Variants in NRG3 observed in about 807,000 individuals in gnomAD.
NRG3 encodes the protein pro-neuregulin-3, membrane-bound isoform.
In NRG3, 31 loss-of-function variants were observed where a neutral mutation model predicts 66.9. That is an observed-to-expected ratio of 0.46 (90% CI 0.35 to 0.63). The LOEUF (loss-of-function observed/expected upper bound fraction) is 0.63, where lower values mean the gene tolerates loss of function less well. Ranked by LOEUF, NRG3 falls within the 20% of genes least tolerant of loss-of-function variation. The probability of loss-of-function intolerance (pLI) is 0.00; values close to 1 mark genes in which losing one functional copy is unlikely to be tolerated. For missense variants in NRG3, 910 were observed against 878.9 expected (o/e 1.04, Z -0.45); for synonymous variants, 393 against 359.4 (o/e 1.09, Z -1.06).
At chr10:82,874,829 G>A (rs544673708) in intron 4 of NRG3, among the ~76,000 whole-genome samples, 3 of 152,104 alleles carry the variant, frequency 2.0e-5, no homozygotes, top group Non-Finnish European at 4.4e-5. Flanking sequence ...TGAGCAATAG[G>A]GCTCCATGTT....
chr10:82,207,130 A>G (rs961523055), intron 1 of NRG3, among the ~76,000 whole-genome samples: 1 of 152,170 alleles, frequency 6.6e-6, no homozygotes, highest in African/African-American at 2.4e-5. Flanking sequence ...CCTTTAAGGT[A>G]TGTTCTAATC....
intron 2 of NRG3, among the ~76,000 whole-genome samples, chr10:82,714,772 C>T (rs1025291335): frequency 3.3e-5 from 5 of 152,080 alleles, no homozygotes; most frequent in African/African-American, 1.2e-4. Context: ...TAATGACTAA[C>T]TTTTAACTAT....
intron 1 of NRG3, among the ~76,000 whole-genome samples, chr10:81,953,413 GCT>G (rs1210885190): frequency 6.6e-6 from 1 of 152,068 alleles, no homozygotes; most frequent in African/African-American, 2.4e-5. Flanking sequence ...TCTCAGCAGG[GCT>G]CTGTCTTTCC....
chr10:82,383,814 T>C (rs2085790293), intron 2 of NRG3, among the ~76,000 whole-genome samples: 1 of 151,918 alleles, frequency 6.6e-6, no homozygotes, highest in Non-Finnish European at 1.5e-5. Flanking sequence ...GTTAAATAAA[T>C]GATAATTTTT....
intron 1 of NRG3, among the ~76,000 whole-genome samples, chr10:82,357,947 C>G (rs546136335): frequency 7.9e-5 from 12 of 152,152 alleles, no homozygotes; most frequent in African/African-American, 2.9e-4. Flanking sequence ...GGAATTGGAG[C>G]TAATAGTTGC....
intron 4 of NRG3, among the ~76,000 whole-genome samples, chr10:82,928,286 G>A (rs1212140686): frequency 1.4e-4 from 21 of 152,066 alleles, no homozygotes; most frequent in Admixed American, 1.4e-3. Context: ...CATTCTATAG[G>A]TTGCCTGTTC....
At chr10:81,878,047 A>G (rs544069713) in intron 1 of NRG3, 14 of 1,537,460 alleles carry the variant, frequency 9.1e-6, no homozygotes, top group African/African-American at 6.8e-5. Context: ...TTCTTTCTCA[A>G]TTGATTTCCT....
chr10:82,074,826 G>A (rs1361481794), intron 1 of NRG3, among the ~76,000 whole-genome samples: 1 of 152,194 alleles, frequency 6.6e-6, no homozygotes, highest in Non-Finnish European at 1.5e-5. Flanking sequence ...GACAGAGCTA[G>A]ACCCTGTCCC....
intron 7 of NRG3, among the ~76,000 whole-genome samples, chr10:82,976,675 G>A (rs909161083): frequency 2.8e-4 from 43 of 152,180 alleles, no homozygotes; most frequent in Non-Finnish European, 1.3e-4. Context: ...CAAGAGGGCT[G>A]CAGGCTCTTA....
At chr10:82,330,291 T>C (rs1291793599) in intron 1 of NRG3, among the ~76,000 whole-genome samples, 2 of 152,224 alleles carry the variant, frequency 1.3e-5, no homozygotes, top group Non-Finnish European at 2.9e-5. Context: ...AACTTTACAC[T>C]ATTATTGCTC....
At chr10:82,063,610 G>T (rs1345527903) in intron 1 of NRG3, among the ~76,000 whole-genome samples, 1 of 151,352 alleles carries the variant, frequency 6.6e-6, no homozygotes, top group African/African-American at 2.4e-5. Context: ...AGCATTATTG[G>T]TAGAGGTAAT....
At chr10:81,980,112 T>C (rs1482140493) in intron 1 of NRG3, among the ~76,000 whole-genome samples, 1 of 152,252 alleles carries the variant, frequency 6.6e-6, no homozygotes, top group Non-Finnish European at 1.5e-5. Context: ...CTATTCCGTT[T>C]GAATATAAAA....
chr10:81,907,669 T>C (rs1844724433), intron 1 of NRG3, among the ~76,000 whole-genome samples: 1 of 152,196 alleles, frequency 6.6e-6, no homozygotes, highest in Non-Finnish European at 1.5e-5. Context: ...ATTAACTGGA[T>C]AACTGCGAAG....
chr10:82,440,417 T>A (rs2136433019), intron 2 of NRG3, among the ~76,000 whole-genome samples: 1 of 151,554 alleles, frequency 6.6e-6, no homozygotes, highest in East Asian at 1.9e-4. Context: ...TATGCTATAC[T>A]TTTGGGCTTT....
rs144315592 is a variant in NRG3 at position 81,958,998 on chromosome 10, A to G, written c.823+82835A>G. On this transcript the variant is annotated intron_variant, in intron 1 of 8. Coordinates refer to ENST00000372141, the MANE Select transcript of NRG3 (RefSeq NM_001010848.4). ...GAGTGATTAGGAAATAAATGTCTACATTTCTTTAGGGGAGTGATGATGAAA... is the reference window on the plus strand; with the variant it reads ...GAGTGATTAGGAAATAAATGTCTACGTTTCTTTAGGGGAGTGATGATGAAA... Among the ~76,000 whole-genome samples, 373 of 152,308 alleles carry G rather than the reference A, an allele frequency of 2.4e-3. 4 individuals carry two copies. Among genetic ancestry groups the G allele is most frequent in the African/African-American group, 8.7e-3 (362 of 41,570 alleles).
chr10:82,027,642 C>T (rs1365313722), intron 1 of NRG3, among the ~76,000 whole-genome samples: 1 of 152,052 alleles, frequency 6.6e-6, no homozygotes, highest in Non-Finnish European at 1.5e-5. Flanking sequence ...TTTCTCAATT[C>T]AAAACTCAAA....
chr10:82,929,579 T>G (rs1847349648), intron 4 of NRG3, among the ~76,000 whole-genome samples: 1 of 152,150 alleles, frequency 6.6e-6, no homozygotes, highest in Admixed American at 6.6e-5. Flanking sequence ...GTTCACTTGA[T>G]CAGTGTAGCA....
intron 1 of NRG3, among the ~76,000 whole-genome samples, chr10:81,954,197 A>G (rs765450062): frequency 3.9e-5 from 6 of 152,188 alleles, no homozygotes; most frequent in South Asian, 4.1e-4. Context: ...GAGTTAATTT[A>G]GGAAGCAGCC....
chr10:81,906,683 G>A (rs538647135), intron 1 of NRG3, among the ~76,000 whole-genome samples: 1 of 152,294 alleles, frequency 6.6e-6, no homozygotes, highest in South Asian at 2.1e-4. Context: ...TATTCTGTGA[G>A]AGATGGGAAA....
Sources: allele counts gnomAD v4.1 joint callset (sites outside exome capture counted in the v4.1 genomes callset), GRCh38; gene constraint gnomAD v4.1.1; transcripts MANE v1.5; gene names NCBI Gene and HGNC (gene_info 2026-07-23, HGNC 2026-07-21).